IFT56: variants seen among roughly 807,000 people sequenced by gnomAD.
IFT56 encodes the protein intraflagellar transport protein 56.
the IFT56 span, among the ~76,000 whole-genome samples, chr7:139,135,121 A>C: frequency 6.6e-6 from 1 of 152,174 alleles, no homozygotes; most frequent in South Asian, 2.1e-4. Flanking sequence ...TCTATTGAAA[A>C]TACAAAAATT....
the IFT56 span, among the ~76,000 whole-genome samples, chr7:139,150,624 A>G: frequency 3.7e-4 from 57 of 152,296 alleles, no homozygotes; most frequent in African/African-American, 1.2e-3. Flanking sequence ...TTTGGTACCA[A>G]TAAGATAGAG....
At chr7:139,169,958 G>A in the IFT56 span, among the ~76,000 whole-genome samples, 1 of 152,148 alleles carries the variant, frequency 6.6e-6, no homozygotes, top group East Asian at 1.9e-4. Flanking sequence ...AGGCTGCAGT[G>A]AGCCATGATT....
At chr7:139,156,943 C>A in the IFT56 span, among the ~76,000 whole-genome samples, 2 of 152,240 alleles carry the variant, frequency 1.3e-5, no homozygotes, top group South Asian at 4.1e-4. Context: ...GGTGTCTTGG[C>A]TATTCTTGGC....
chr7:139,173,127 T>A, the IFT56 span: 1 of 686,318 alleles, frequency 1.5e-6, no homozygotes, highest in Non-Finnish European at 2.7e-6. Context: ...GTGGCATGGA[T>A]GGATTCAACA....
At chr7:139,183,796 G>A in the IFT56 span, among the ~76,000 whole-genome samples, 1 of 151,964 alleles carries the variant, frequency 6.6e-6, no homozygotes, top group Non-Finnish European at 1.5e-5. Flanking sequence ...TATATCCACA[G>A]AAATATATAA....
chr7:139,177,052 A>G, the IFT56 span, among the ~76,000 whole-genome samples: 1 of 151,778 alleles, frequency 6.6e-6, no homozygotes, highest in Non-Finnish European at 1.5e-5. Flanking sequence ...TGTGCCTGTA[A>G]TCCCATCTAC....
chr7:139,175,397 G>C, the IFT56 span, among the ~76,000 whole-genome samples: 8 of 152,144 alleles, frequency 5.3e-5, no homozygotes, highest in African/African-American at 1.9e-4. Context: ...AAGGAAATCA[G>C]CATATCAAAG....
the IFT56 span, among the ~76,000 whole-genome samples, chr7:139,169,907 G>A: frequency 6.6e-6 from 1 of 152,096 alleles, no homozygotes; most frequent in Non-Finnish European, 1.5e-5. Context: ...CCAGCTACTT[G>A]AGAGGCTGAG....
At chr7:139,163,756 A>G in the IFT56 span, among the ~76,000 whole-genome samples, 1 of 152,182 alleles carries the variant, frequency 6.6e-6, no homozygotes, top group Non-Finnish European at 1.5e-5. Context: ...AATGGAGAAA[A>G]GAGGTTCAGA....
chr7:139,184,504 T>C, the IFT56 span, among the ~76,000 whole-genome samples: 1 of 148,920 alleles, frequency 6.7e-6, no homozygotes, highest in Non-Finnish European at 1.5e-5. Context: ...GACAAAATTA[T>C]TGAGATAGAG....
the IFT56 span, chr7:139,142,282 C>G: frequency 4.3e-6 from 7 of 1,614,040 alleles, no homozygotes; most frequent in Non-Finnish European, 4.2e-6. Flanking sequence ...CCAAAACCGC[C>G]TCCTCTTCCA....
the IFT56 span, among the ~76,000 whole-genome samples, chr7:139,147,474 A>G: frequency 6.6e-6 from 1 of 151,910 alleles, no homozygotes; most frequent in Non-Finnish European, 1.5e-5. Context: ...CTTTTTTTGC[A>G]TTGTCACCCT....
At chr7:139,135,277 CAAAA>C in the IFT56 span, among the ~76,000 whole-genome samples, 9 of 63,030 alleles carry the variant, frequency 1.4e-4, no homozygotes, top group South Asian at 5.9e-4. Context: ...GACTCCGTCT[CAAAA>C]AAAAAAAAAA....
At chr7:139,184,462 G>T in the IFT56 span, among the ~76,000 whole-genome samples, 1 of 152,148 alleles carries the variant, frequency 6.6e-6, no homozygotes, top group Non-Finnish European at 1.5e-5. Flanking sequence ...GTCCCATACT[G>T]TTTGCTTTCA....
At chr7:139,154,996 T>G in the IFT56 span, among the ~76,000 whole-genome samples, 1 of 152,190 alleles carries the variant, frequency 6.6e-6, no homozygotes, top group African/African-American at 2.4e-5. Context: ...GTTTTTAAAT[T>G]TCAGCAATAT....
At chr7:139,161,683 C>T in the IFT56 span, among the ~76,000 whole-genome samples, 1 of 152,262 alleles carries the variant, frequency 6.6e-6, no homozygotes, top group Non-Finnish European at 1.5e-5. Flanking sequence ...AGTACCAATT[C>T]TTCCAGTAAA....
chr7:139,135,697 C>T, the IFT56 span, among the ~76,000 whole-genome samples: 1 of 152,098 alleles, frequency 6.6e-6, no homozygotes. Context: ...TCCCAGGAGA[C>T]TGTGCTTTAA....
At chr7:139,146,982 A>G in the IFT56 span, 22 of 1,523,382 alleles carry the variant, frequency 1.4e-5, no homozygotes, top group Non-Finnish European at 1.8e-5. Flanking sequence ...GTTTCTTTGC[A>G]GGAGAAATGA....
the IFT56 span, chr7:139,190,096 C>A: frequency 6.6e-6 from 1 of 152,140 alleles, no homozygotes; most frequent in Non-Finnish European, 1.5e-5. Flanking sequence ...AATTGTAGTA[C>A]CTCTAAAGGT....
Sources: gnomAD v4.1 joint callset for allele counts (sites outside exome capture counted in the v4.1 genomes callset) on GRCh38, gnomAD v4.1.1 for gene constraint, MANE v1.5 for transcripts, NCBI Gene and HGNC (gene_info 2026-07-23, HGNC 2026-07-21) for gene names.